CPNE1: variants seen among roughly 807,000 people sequenced by gnomAD.
The protein encoded by CPNE1 is copine-1.
A neutral mutation model predicts 63.2 loss-of-function variants in CPNE1; 58 were observed. The observed-to-expected ratio is 0.92, with a 90% CI of 0.74 to 1.14. The LOEUF (loss-of-function observed/expected upper bound fraction) is 1.14, where lower values mean the gene tolerates loss of function less well. Ranked by LOEUF, CPNE1 falls within the 50% of genes most tolerant of loss-of-function variation. The pLI is 0.00. For missense variants in CPNE1, 672 were observed against 661.7 expected (o/e 1.02, Z -0.17); for synonymous variants, 237 against 249.0 (o/e 0.95, Z 0.45).
chr20:35,630,613 G>T, intron 12 of CPNE1, 123 bp from the exon 13 acceptor site: 1 of 1,438,428 alleles, frequency 7.0e-7, no homozygotes, highest in Non-Finnish European at 9.8e-7. Flanking sequence ...CTGTCTACGT[G>T]CCTGCAGGAA....
At chr20:35,654,648 CGGGGGCACA>C (rs775334301) in intron 1 of CPNE1, 29 of 1,613,800 alleles carry the variant, frequency 1.8e-5, no homozygotes, top group Admixed American at 1.3e-4. Context: ...CTGGGGGAAT[CGGGGGCACA>C]GGAGGCACAG....
At chr20:35,628,222 T>C (rs1479901242) in intron 13 of CPNE1, among the ~76,000 whole-genome samples, 1 of 151,770 alleles carries the variant, frequency 6.6e-6, no homozygotes, top group Non-Finnish European at 1.5e-5. Flanking sequence ...GAGGTGGAGC[T>C]TGCAGTGAGC....
intron 1 of CPNE1, among the ~76,000 whole-genome samples, chr20:35,661,870 A>G (rs1166129263): frequency 6.6e-6 from 1 of 152,236 alleles, no homozygotes; most frequent in Non-Finnish European, 1.5e-5. Flanking sequence ...GAACCAGGGT[A>G]CAGCAGAGCT....
chr20:35,645,356 T>C (rs3787168), intron 1 of CPNE1, among the ~76,000 whole-genome samples: 39,410 of 152,060 alleles, frequency 0.26, 5,926 homozygotes, highest in African/African-American at 0.43. Flanking sequence ...AACTACACTA[T>C]GACAAAGACT....
At chr20:35,637,368 T>C (rs2032544167) in intron 1 of CPNE1, among the ~76,000 whole-genome samples, 1 of 152,074 alleles carries the variant, frequency 6.6e-6, no homozygotes, top group African/African-American at 2.4e-5. Flanking sequence ...TAGAATTTGG[T>C]AGTTTTGCAA....
chr20:35,654,010 G>T (rs773821439), intron 1 of CPNE1: 1 of 1,614,102 alleles, frequency 6.2e-7, no homozygotes, highest in Non-Finnish European at 8.5e-7. Context: ...TGCTTCAAAT[G>T]GTAGCCCTTT....
intron 1 of CPNE1, chr20:35,649,883 T>C (rs1349582655): frequency 6.6e-6 from 1 of 152,312 alleles, no homozygotes; most frequent in East Asian, 1.9e-4. Flanking sequence ...AATATCATGA[T>C]AGTGTTTACA....
chr20:35,641,892 G>A (rs560892770), intron 1 of CPNE1, among the ~76,000 whole-genome samples: 16 of 152,334 alleles, frequency 1.1e-4, no homozygotes, highest in Admixed American at 8.5e-4. Context: ...GTCTGCAGCA[G>A]TGTGCTGGCG....
chr20:35,635,521 A>G (rs2032436437), intron 1 of CPNE1, among the ~76,000 whole-genome samples: 1 of 152,016 alleles, frequency 6.6e-6, no homozygotes, highest in Non-Finnish European at 1.5e-5. Context: ...TGCTGGGAAC[A>G]TTATTTTCTT....
At chr20:35,626,466 C>T (rs1713920519) in intron 15 of CPNE1, 85 bp from the exon 16 acceptor site, 2 of 1,595,242 alleles carry the variant, frequency 1.3e-6, no homozygotes, top group Non-Finnish European at 8.6e-7. Context: ...AACCATATCC[C>T]AGGCTTAGAG....
Position 35,637,132 on chromosome 20 carries a change from G to C in CPNE1, c.1-4209C>G, listed in dbSNP as rs575452674. On this transcript the variant is annotated intron_variant, in intron 1 of 15. Coordinates refer to ENST00000397443, the MANE Select transcript of CPNE1 (RefSeq NM_152925.3). ...AAATCTTCTTGACTGTTCATTCTAAGCCCAAAGCCTCCACTTCCAGTTCAA... is the reference window on the plus strand; with the variant it reads ...AAATCTTCTTGACTGTTCATTCTAACCCCAAAGCCTCCACTTCCAGTTCAA... Among the ~76,000 whole-genome samples the C allele has an allele frequency of 5.9e-5, 9 of 152,078 alleles. No individual in the cohort carries two copies. In the South Asian group the frequency reaches 1.9e-3, roughly 32 times the overall value.
rs1401613049 is a variant in CPNE1, at chr20:35,631,345, CAA to C, written c.722_723del (p.Phe241Ter). The stretch of plus-strand genomic sequence containing the variant: ...TGCTGCTTCTCAGGGTGGATGCATT[CAA>C]ACTCAGCCTGGTGAGGACAGAAAAA... The part of the protein sequence containing the change: ...LAQLQAVPAE[F>X]ECIHPEKQQK... On this transcript the variant is annotated frameshift_variant, in exon 9 of 16. Coordinates refer to ENST00000397443, the MANE Select transcript of CPNE1 (RefSeq NM_152925.3). LOFTEE classifies it high-confidence loss of function. 1 of 1,614,140 alleles carries C rather than the reference CAA, an allele frequency of 6.2e-7. No homozygotes were observed. The highest frequency in any genetic ancestry group is 2.2e-5 in the East Asian group (1 of 44,884).
chr20:35,653,451 C>T (rs747000745), intron 1 of CPNE1: 1 of 1,614,186 alleles, frequency 6.2e-7, no homozygotes, highest in Non-Finnish European at 8.5e-7. Flanking sequence ...CAATCTCTCT[C>T]ATATCTTCTA....
chr20:35,631,666 A>G (rs745464475), intron 7 of CPNE1, 22 bp downstream of exon 7: 2 of 1,612,874 alleles, frequency 1.2e-6, no homozygotes, highest in African/African-American at 2.7e-5. Flanking sequence ...AGCGCAGTCC[A>G]CTTAGGGGGC....
At chr20:35,647,800 A>G (rs752160360) in intron 1 of CPNE1, among the ~76,000 whole-genome samples, 2 of 151,920 alleles carry the variant, frequency 1.3e-5, no homozygotes, top group Non-Finnish European at 2.9e-5. Context: ...CACGCCTGTA[A>G]TCCCAGCACT....
rs2033713959 is a variant in CPNE1 at position 35,653,831 on chromosome 20, G to A, written c.-1+10929C>T. 1.9e-6 allele frequency: 3 copies of A among 1,613,660 alleles called. No individual in the cohort carries two copies. Among genetic ancestry groups the A allele is most frequent in the Admixed American group, 1.7e-5 (1 of 60,002 alleles). On this transcript the variant is annotated intron_variant, in intron 1 of 15. Coordinates refer to ENST00000397443, the MANE Select transcript of CPNE1 (RefSeq NM_152925.3). ...GTAATTGGATGAACTTGAATAAAGC[G>A]ATTGCCCATGTACTGTTTATGACGA...
intron 12 of CPNE1, 82 bp from the exon 13 acceptor site, chr20:35,630,572 C>A (rs2032055698): frequency 6.6e-7 from 1 of 1,525,520 alleles, no homozygotes; most frequent in Non-Finnish European, 9.1e-7. Flanking sequence ...TGCCAAGATT[C>A]CTATAGGAGC....
At position 35,631,858 on chromosome 20, in the gene CPNE1, T is replaced by C; in HGVS notation, c.538-81A>G. 4.5e-6 allele frequency: 7 copies of C among 1,543,190 alleles called. 1 individual carries two copies. In the South Asian group the frequency reaches 7.8e-5, roughly 17 times the overall value. ...GCCACACTTCTCTACCCACCTGCAGTCTCTTTCTGAGTTCCAAACCTTGCT... is the reference window on the plus strand; with the variant it reads ...GCCACACTTCTCTACCCACCTGCAGCCTCTTTCTGAGTTCCAAACCTTGCT... On this transcript the variant is annotated intron_variant, in intron 6 of 15. Transcript: ENST00000397443.
At chr20:35,664,047 C>G (rs2034392838) in intron 1 of CPNE1, among the ~76,000 whole-genome samples, 1 of 152,208 alleles carries the variant, frequency 6.6e-6, no homozygotes, top group African/African-American at 2.4e-5. Flanking sequence ...CTACAATTCT[C>G]AGAGCCTCAG....
Sources: gnomAD v4.1 joint callset for allele counts (sites outside exome capture counted in the v4.1 genomes callset) on GRCh38, gnomAD v4.1.1 for gene constraint, MANE v1.5 for transcripts, NCBI Gene and HGNC (gene_info 2026-07-23, HGNC 2026-07-21) for gene names.